Variants in CWF19L2 observed in about 807,000 individuals in gnomAD.
CWF19L2 encodes CWF19 like cell cycle control factor 2, also known as CWF19-like protein 2.
Under a neutral mutation model 111.7 loss-of-function variants are expected in CWF19L2, and 98 were observed. The ratio of observed to expected loss-of-function variants is 0.88; its 90% CI spans 0.75 to 1.04. The LOEUF (loss-of-function observed/expected upper bound fraction) is 1.04, where lower values mean the gene tolerates loss of function less well. CWF19L2 is among the 50% of genes least tolerant of loss of function. The pLI is 0.00. For missense variants in CWF19L2, 1,101 were observed against 1,051.4 expected (o/e 1.05, Z -0.65); for synonymous variants, 351 against 342.9 (o/e 1.02, Z -0.26).
At chr11:107,359,631 G>A (rs1190967918) in intron 12 of CWF19L2, among the ~76,000 whole-genome samples, 1 of 151,918 alleles carries the variant, frequency 6.6e-6, no homozygotes, top group Non-Finnish European at 1.5e-5. Context: ...AGAAATACAG[G>A]GCCAGGCACA....
chr11:107,387,907 G>A (rs577059419), intron 12 of CWF19L2, among the ~76,000 whole-genome samples: 6 of 152,212 alleles, frequency 3.9e-5, no homozygotes, highest in South Asian at 2.1e-4. Flanking sequence ...CCTGCCTTAC[G>A]TAATCTGACT....
Position 107,402,889 on chromosome 11 carries a change from A to G in CWF19L2, c.1618-9994T>C, listed in dbSNP as rs1403464181. On this transcript the variant is annotated intron_variant, in intron 10 of 17. Coordinates refer to ENST00000282251, the MANE Select transcript of CWF19L2 (RefSeq NM_152434.3). ...CTGTGGTGTGTATATATATATATAT[A>G]TATATATATATATAATGGAATACTA... Among the ~76,000 whole-genome samples, 24 of 131,078 alleles carry G rather than the reference A, an allele frequency of 1.8e-4. 1 individual carries two copies. Among genetic ancestry groups the G allele is most frequent in the Admixed American group, 5.5e-4 (7 of 12,656 alleles). 86.0% of individuals were successfully genotyped at this position (131,078 alleles called of 152,430 possible).
In CWF19L2 at chr11:107,372,625, C is replaced by T. The variant is rs112658868; in HGVS notation, c.1872+17449G>A. 3.0e-4 allele frequency among the ~76,000 whole-genome samples: 41 copies of T among 136,164 alleles called. 7 individuals are homozygous for T. Among genetic ancestry groups the T allele is most frequent in the African/African-American group, 1.2e-3 (41 of 33,812 alleles). 89.3% of individuals were successfully genotyped at this position (136,164 alleles called of 152,430 possible). ...AACCTAGGGACTAAAGGATGAGATG[C>T]ACATTTTGAACAAAAAAATTATTCT... On this transcript the variant is annotated intron_variant, in intron 12 of 17. Transcript: ENST00000282251.
chr11:107,444,262 CTACAA>C (rs1861672123), intron 3 of CWF19L2, among the ~76,000 whole-genome samples: 2 of 152,114 alleles, frequency 1.3e-5, no homozygotes, highest in South Asian at 4.2e-4. Context: ...TCTCAAAACT[CTACAA>C]TACATCTACT....
chr11:107,356,446 T>G (rs989292233), intron 12 of CWF19L2, among the ~76,000 whole-genome samples: 3 of 152,230 alleles, frequency 2.0e-5, no homozygotes, highest in Non-Finnish European at 4.4e-5. Context: ...ACTGACTTCC[T>G]TGTTTCTACT....
chr11:107,413,218 G>A (rs77116663), intron 10 of CWF19L2, among the ~76,000 whole-genome samples: 2,899 of 152,274 alleles, frequency 0.019, 44 homozygotes, highest in Non-Finnish European at 0.029. Context: ...CTGTGCTTAT[G>A]GAGGGGCAGG....
intron 3 of CWF19L2, among the ~76,000 whole-genome samples, chr11:107,444,499 T>TA (rs1490200713): frequency 6.6e-6 from 1 of 152,218 alleles, no homozygotes; most frequent in African/African-American, 2.4e-5. Context: ...AGCCCTTAAA[T>TA]ATCTTGTTAT....
rs1273133208 is a variant in CWF19L2 at position 107,374,275 on chromosome 11, C to T, written c.1872+15799G>A. Among the ~76,000 whole-genome samples, 74 of 128,520 alleles carry T rather than the reference C, an allele frequency of 5.8e-4. 15 individuals are homozygous for T. The highest frequency in any genetic ancestry group is 2.4e-3 in the African/African-American group (71 of 29,530). 84.3% of individuals were successfully genotyped at this position (128,520 alleles called of 152,430 possible). A position where few individuals can be genotyped will look rare whatever the true frequency, so the allele number is the denominator to read the frequency against. ...GATTCAGGAAATACAGAGAACGCCA[C>T]AAACATACTCCTCGAGAAGAGCAAC... On this transcript the variant is annotated intron_variant, in intron 12 of 17. Transcript: ENST00000282251.
At chr11:107,444,503 T>A (rs1461141363) in intron 3 of CWF19L2, among the ~76,000 whole-genome samples, 5 of 152,236 alleles carry the variant, frequency 3.3e-5, no homozygotes, top group Non-Finnish European at 7.3e-5. Flanking sequence ...CTTAAATATC[T>A]TGTTATTTGG....
In CWF19L2 at chr11:107,441,584, T is replaced by C. The variant is rs774915533; in HGVS notation, c.489A>G (p.Lys163=). The change falls in exon 5 of 18, where the codon AAA becomes AAG. Residue 163 remains lysine (K), a synonymous_variant. Coordinates refer to ENST00000282251, the MANE Select transcript of CWF19L2 (RefSeq NM_152434.3). ...CTTTGAGTGATGATGATGACACAGT[T>C]TTAACAGACATAAAATCAACAGTCA... is the stretch of plus-strand genomic sequence containing the variant. ...EWMTVDFMSV[K]TVSSSSLKAE... 108 of 1,545,492 alleles carry C rather than the reference T, an allele frequency of 7.0e-5. 1 individual carries two copies. In the South Asian group the frequency reaches 1.2e-3, roughly 18 times the overall value.
chr11:107,404,126 T>C (rs1462298649), intron 10 of CWF19L2: 2 of 775,432 alleles, frequency 2.6e-6, no homozygotes, highest in Admixed American at 3.4e-5. Flanking sequence ...CTCTGTCGAC[T>C]TTCTTCCTCT....
At chr11:107,389,436 T>C (rs1169003498) in intron 12 of CWF19L2, among the ~76,000 whole-genome samples, 8 of 152,208 alleles carry the variant, frequency 5.3e-5, no homozygotes, top group East Asian at 1.9e-4. Context: ...ATTTTTCCCA[T>C]AGGGGTCACA....
rs374993837 is a variant in CWF19L2, at chr11:107,362,196, G to C, written c.1873-8460C>G. Among the ~76,000 whole-genome samples the C allele has an allele frequency of 6.4e-4, 30 of 47,120 alleles. No homozygotes were observed. In the East Asian group the frequency reaches 0.015, roughly 24 times the overall value. The allele number at this position is 47,120 out of a possible 152,430, so 30.9% of individuals were successfully genotyped here. A position where few individuals can be genotyped will look rare whatever the true frequency, so the allele number is the denominator to read the frequency against. On this transcript the variant is annotated intron_variant, in intron 12 of 17. Transcript: ENST00000282251. ...CTACGCCCACGGAGTCTCGCTGATT[G>C]CTACCACAGCAGCTGAGATCAAACT...
chr11:107,403,414 A>G, intron 10 of CWF19L2: 1 of 751,890 alleles, frequency 1.3e-6, no homozygotes, highest in South Asian at 1.4e-5. Context: ...CTTTTTTCTC[A>G]TCTTCTGGTA....
chr11:107,414,981 C>T (rs1380099929), intron 10 of CWF19L2, among the ~76,000 whole-genome samples: 2 of 152,142 alleles, frequency 1.3e-5, no homozygotes, highest in Non-Finnish European at 2.9e-5. Flanking sequence ...CCAGAATGGT[C>T]CTGTCAAAAT....
At chr11:107,415,392 T>C (rs11212212) in intron 10 of CWF19L2, among the ~76,000 whole-genome samples, 4,191 of 152,306 alleles carry the variant, frequency 0.028, 109 homozygotes, top group East Asian at 0.11. Flanking sequence ...AGGGTAACTT[T>C]CTGATACACT....
At chr11:107,381,212 T>C (rs1473490333) in intron 12 of CWF19L2, among the ~76,000 whole-genome samples, 2 of 152,214 alleles carry the variant, frequency 1.3e-5, no homozygotes, top group African/African-American at 4.8e-5. Context: ...AATTGTATAC[T>C]GTAAATGGTT....
rs765227304 is a variant in CWF19L2 at position 107,429,289 on chromosome 11, T to G, written c.943A>C (p.Arg315=). Residue 315 remains arginine, a synonymous_variant, in exon 8 of 18, where the codon AGG becomes CGG. Transcript: ENST00000282251. ...GTATCTGTTGTAGCATATCTATCCC[T>G]TGAACTGTTACCATATTTTACTAAG... is the stretch of plus-strand genomic sequence containing the variant. ...SDLVKYGNSS[R]DRYATTDTAK... The G allele has an allele frequency of 5.0e-6, 8 of 1,613,154 alleles. No individual in the cohort carries two copies. The highest frequency in any genetic ancestry group is 6.8e-6 in the Non-Finnish European group (8 of 1,179,548).
At chr11:107,383,579 T>A (rs988060929) in intron 12 of CWF19L2, among the ~76,000 whole-genome samples, 2 of 152,184 alleles carry the variant, frequency 1.3e-5, no homozygotes, top group African/African-American at 4.8e-5. Flanking sequence ...AGAATCATAA[T>A]TCCCCTATAC....
Sources: allele counts gnomAD v4.1 joint callset (sites outside exome capture counted in the v4.1 genomes callset), GRCh38; gene constraint gnomAD v4.1.1; transcripts MANE v1.5; gene names NCBI Gene and HGNC (gene_info 2026-07-23, HGNC 2026-07-21).